CTDSPL2: variants seen among roughly 807,000 people sequenced by gnomAD.
The protein encoded by CTDSPL2 is CTD small phosphatase like 2, also known as CTD small phosphatase-like protein 2.
Under a neutral mutation model 60.0 loss-of-function variants are expected in CTDSPL2, and 5 were observed. The ratio of observed to expected loss-of-function variants is 0.08; its 90% CI spans 0.04 to 0.18. CTDSPL2 has a LOEUF of 0.18. CTDSPL2 is among the 10% of genes least tolerant of loss of function. The pLI is 1.00. For synonymous variants in CTDSPL2, 186 were observed against 189.3 expected, an observed-to-expected ratio of 0.98 and a Z score of 0.14; for missense variants, 370 against 548.8, an observed-to-expected ratio of 0.67 and a Z score of 3.26.
At chr15:44,499,602 A>G in intron 7 of CTDSPL2, 125 bp from the exon 8 acceptor site, 1 of 550,766 alleles carries the variant, frequency 1.8e-6, no homozygotes, top group Non-Finnish European at 3.2e-6. Context: ...ATATAGTAAT[A>G]TATTATAAAT....
Position 44,497,151 on chromosome 15 carries a change from TC to T in CTDSPL2, c.882+14del. ...AGTTTTAGACTTGGTAAGTATATTA[TC>T]TGTAGAGGTAGAGAGAATAAAGGGG... On this transcript the variant is annotated intron_variant, in intron 7 of 12. Coordinates refer to ENST00000260327, the MANE Select transcript of CTDSPL2 (RefSeq NM_016396.3). 1 of 1,426,550 alleles carries T rather than the reference TC, an allele frequency of 7.0e-7. No individual in the cohort carries two copies. The highest frequency in any genetic ancestry group is 9.8e-7 in the Non-Finnish European group (1 of 1,016,352). The allele number at this position is 1,426,550 out of a possible 1,614,324, so 88.4% of individuals were successfully genotyped here.
At position 44,457,601 on chromosome 15, in the gene CTDSPL2, G is replaced by GC. The variant is rs1039815289; in HGVS notation, c.-24-1390_-24-1389insC. On this transcript the variant is annotated intron_variant, in intron 1 of 12. Coordinates refer to ENST00000260327, the MANE Select transcript of CTDSPL2 (RefSeq NM_016396.3). ...TATTGGTGTGGCACTTTTTTGGTTG[G>GC]GGGGGGTGGTGCGGGGTGGGAGAGG... is the stretch of plus-strand genomic sequence containing the variant. 2.0e-5 allele frequency among the ~76,000 whole-genome samples: 3 copies of GC among 151,768 alleles called. No homozygotes were observed. In the East Asian group the frequency reaches 5.8e-4, roughly 29 times the overall value.
chr15:44,454,602 T>C (rs1479231954), intron 1 of CTDSPL2, among the ~76,000 whole-genome samples: 1 of 152,240 alleles, frequency 6.6e-6, no homozygotes, highest in Non-Finnish European at 1.5e-5. Context: ...TTAATTTTAG[T>C]GTAAGGTGTA....
At chr15:44,431,711 T>G (rs2079860791) in intron 1 of CTDSPL2, among the ~76,000 whole-genome samples, 1 of 146,988 alleles carries the variant, frequency 6.8e-6, no homozygotes, top group Non-Finnish European at 1.5e-5. Context: ...TTTGTTTGTT[T>G]GTTTGTTTTT....
chr15:44,475,634 G>A (rs1253881826), intron 2 of CTDSPL2, among the ~76,000 whole-genome samples: 8 of 34,520 alleles, frequency 2.3e-4, no homozygotes, highest in African/African-American at 7.2e-4. Context: ...ACAAGACTTC[G>A]TCTCAAAAAA....
intron 1 of CTDSPL2, chr15:44,448,551 T>TA: frequency 6.9e-6 from 2 of 288,088 alleles, no homozygotes; most frequent in Admixed American, 8.0e-5. Context: ...CTAAGTGTAT[T>TA]ACTAAGATTT....
chr15:44,439,141 A>ATTATTATTG (rs1555429956), intron 1 of CTDSPL2, among the ~76,000 whole-genome samples: 2 of 149,308 alleles, frequency 1.3e-5, no homozygotes, highest in African/African-American at 4.9e-5. Context: ...TATTATTATT[A>ATTATTATTG]TTGTTATTTA....
At chr15:44,453,787 A>G (rs921844608) in intron 1 of CTDSPL2, among the ~76,000 whole-genome samples, 8 of 151,858 alleles carry the variant, frequency 5.3e-5, no homozygotes, top group Non-Finnish European at 1.2e-4. Flanking sequence ...AGTATTCCAT[A>G]GTGTATATAT....
chr15:44,474,149 G>A (rs2080865444), intron 2 of CTDSPL2, among the ~76,000 whole-genome samples: 1 of 152,160 alleles, frequency 6.6e-6, no homozygotes, highest in South Asian at 2.1e-4. Context: ...ATATATAAAG[G>A]CCGAGATTTA....
intron 1 of CTDSPL2, among the ~76,000 whole-genome samples, chr15:44,458,294 A>G (rs969644562): frequency 6.6e-6 from 1 of 152,206 alleles, no homozygotes; most frequent in Non-Finnish European, 1.5e-5. Flanking sequence ...TAATTCAGTT[A>G]TGTCTTTAAT....
At chr15:44,443,408 T>C (rs570712601) in intron 1 of CTDSPL2, among the ~76,000 whole-genome samples, 4 of 152,324 alleles carry the variant, frequency 2.6e-5, no homozygotes, top group Non-Finnish European at 5.9e-5. Context: ...TTCTTTTGGA[T>C]GCATACCTGG....
intron 4 of CTDSPL2, among the ~76,000 whole-genome samples, chr15:44,490,148 T>G (rs1275908974): frequency 6.6e-6 from 1 of 152,168 alleles, no homozygotes; most frequent in Non-Finnish European, 1.5e-5. Flanking sequence ...TTTTCTTTTT[T>G]AATTGAGACA....
At chr15:44,467,866 T>C (rs1595728078) in intron 2 of CTDSPL2, among the ~76,000 whole-genome samples, 1 of 152,328 alleles carries the variant, frequency 6.6e-6, no homozygotes, top group African/African-American at 2.4e-5. Flanking sequence ...TGAGCCACTG[T>C]GGCAGGCCCC....
chr15:44,439,138 A>ATTC (rs1331831533), intron 1 of CTDSPL2, among the ~76,000 whole-genome samples: 1 of 149,270 alleles, frequency 6.7e-6, no homozygotes, highest in South Asian at 2.1e-4. Context: ...TATTATTATT[A>ATTC]TTATTGTTAT....
chr15:44,463,114 C>T (rs190969833), intron 2 of CTDSPL2, among the ~76,000 whole-genome samples: 84 of 152,134 alleles, frequency 5.5e-4, no homozygotes, highest in African/African-American at 1.9e-3. Context: ...TACATAAGAT[C>T]GGGCAAAAAT....
chr15:44,507,057 G>C (rs915894963), intron 8 of CTDSPL2, among the ~76,000 whole-genome samples: 6 of 150,814 alleles, frequency 4.0e-5, no homozygotes, highest in Non-Finnish European at 5.9e-5. Flanking sequence ...GTGAGCCACC[G>C]CGCCTGGCTT....
chr15:44,478,125 AGC>A lies in CTDSPL2; in HGVS notation c.187-6098_187-6097del, dbSNP rs556726620. 4.5e-3 allele frequency among the ~76,000 whole-genome samples: 682 copies of A among 152,148 alleles called. 4 individuals are homozygous for A. Among genetic ancestry groups the A allele is most frequent in the African/African-American group, 0.016 (650 of 41,540 alleles). ...GATTAGTCTTAGCATCATTGTCTGA[AGC>A]TCATTTTTGTAGTGAATTCCTTGGA... On this transcript the variant is annotated intron_variant, in intron 2 of 12. Transcript: ENST00000260327.
chr15:44,451,404 T>C (rs1468404736), intron 1 of CTDSPL2, among the ~76,000 whole-genome samples: 2 of 152,106 alleles, frequency 1.3e-5, no homozygotes. Flanking sequence ...GCCACCACGC[T>C]CAGCCTAAAG....
chr15:44,495,868 G>A (rs2081290746), intron 5 of CTDSPL2, among the ~76,000 whole-genome samples: 1 of 151,988 alleles, frequency 6.6e-6, no homozygotes, highest in African/African-American at 2.4e-5. Context: ...TGGGGTGGAG[G>A]TTGCAGTGAG....
Sources: allele counts gnomAD v4.1 joint callset (sites outside exome capture counted in the v4.1 genomes callset), GRCh38; gene constraint gnomAD v4.1.1; transcripts MANE v1.5; gene names NCBI Gene and HGNC (gene_info 2026-07-23, HGNC 2026-07-21).